ARHGAP24: variants seen among roughly 807,000 people sequenced by gnomAD.
ARHGAP24 encodes Rho GTPase activating protein 24, also known as rho GTPase-activating protein 24.
Under a neutral mutation model 76.4 loss-of-function variants are expected in ARHGAP24, and 50 were observed. The observed-to-expected ratio is 0.65, with a 90% CI of 0.52 to 0.83. The LOEUF (loss-of-function observed/expected upper bound fraction) is 0.83. Ranked by LOEUF, ARHGAP24 falls within the 40% of genes least tolerant of loss-of-function variation. The pLI is 0.00. For missense variants in ARHGAP24, 930 were observed against 914.2 expected, an observed-to-expected ratio of 1.02 and a Z score of -0.22; for synonymous variants, 345 against 323.3, an observed-to-expected ratio of 1.07 and a Z score of -0.72.
chr4:85,574,584 G>C (rs1256556539), intron 2 of ARHGAP24, among the ~76,000 whole-genome samples: 1 of 152,302 alleles, frequency 6.6e-6, no homozygotes, highest in African/African-American at 2.4e-5. Flanking sequence ...GAAACGGGGG[G>C]CCCCAATGGA....
chr4:85,626,677 A>G (rs1720965806), intron 2 of ARHGAP24, among the ~76,000 whole-genome samples: 1 of 152,310 alleles, frequency 6.6e-6, no homozygotes, highest in South Asian at 2.1e-4. Context: ...GTGTTTTCCA[A>G]CTTGGTTCCA....
chr4:85,660,731 G>A (rs1722345099), intron 2 of ARHGAP24, among the ~76,000 whole-genome samples: 1 of 139,488 alleles, frequency 7.2e-6, no homozygotes, highest in Non-Finnish European at 1.5e-5. Flanking sequence ...GGGAGTAGGA[G>A]GTTGCAGTGA....
intron 1 of ARHGAP24, among the ~76,000 whole-genome samples, chr4:85,520,382 A>G (rs1365748459): frequency 6.6e-6 from 1 of 152,104 alleles, no homozygotes; most frequent in Non-Finnish European, 1.5e-5. Flanking sequence ...TATATTGTCT[A>G]ACTCTTCCGA....
At chr4:85,603,678 G>A (rs1256202325) in intron 2 of ARHGAP24, among the ~76,000 whole-genome samples, 1 of 152,072 alleles carries the variant, frequency 6.6e-6, no homozygotes, top group Non-Finnish European at 1.5e-5. Flanking sequence ...TATAGCAGAA[G>A]ATTTATTCAT....
intron 5 of ARHGAP24, among the ~76,000 whole-genome samples, chr4:85,945,189 C>G (rs1213258374): frequency 6.6e-6 from 1 of 152,108 alleles, no homozygotes; most frequent in Non-Finnish European, 1.5e-5. Context: ...TTGCCACACA[C>G]TGGAGTGCAG....
intron 2 of ARHGAP24, among the ~76,000 whole-genome samples, chr4:85,683,117 T>TGGGGGGGGGGGGGGGGGGGGGGGGG (rs201448168): frequency 1.8e-5 from 1 of 56,938 alleles, no homozygotes; most frequent in Non-Finnish European, 3.5e-5. Context: ...TGTGGGGGGG[T>TGGGGGGGGGGGGGGGGGGGGGGGGG]GGGGGGGGGG....
At chr4:85,849,175 T>C (rs146533122) in intron 3 of ARHGAP24, among the ~76,000 whole-genome samples, 12,581 of 146,398 alleles carry the variant, frequency 0.086, 662 homozygotes, top group Middle Eastern at 0.13. Context: ...CCCTTGTAAG[T>C]TGGATTCCTA....
intron 3 of ARHGAP24, among the ~76,000 whole-genome samples, chr4:85,724,355 C>A (rs1725075625): frequency 6.6e-6 from 1 of 152,034 alleles, no homozygotes; most frequent in Non-Finnish European, 1.5e-5. Context: ...TGATTTCCAA[C>A]AAAACTAACA....
chr4:85,528,954 C>G (rs969649921), intron 1 of ARHGAP24, among the ~76,000 whole-genome samples: 1 of 151,990 alleles, frequency 6.6e-6, no homozygotes, highest in African/African-American at 2.4e-5. Context: ...TTCATTGATG[C>G]TTGTCTATTC....
intron 3 of ARHGAP24, among the ~76,000 whole-genome samples, chr4:85,891,249 G>A (rs532274375): frequency 1.7e-4 from 26 of 152,064 alleles, no homozygotes; most frequent in African/African-American, 5.5e-4. Context: ...TCAGCTTAAG[G>A]AGATTTTGGG....
chr4:85,850,494 T>C (rs1339511416), intron 3 of ARHGAP24, among the ~76,000 whole-genome samples: 1 of 152,196 alleles, frequency 6.6e-6, no homozygotes, highest in Non-Finnish European at 1.5e-5. Flanking sequence ...TCTGCTAGCT[T>C]TTGAATGTGT....
intron 2 of ARHGAP24, among the ~76,000 whole-genome samples, chr4:85,704,851 G>C (rs1724248218): frequency 6.6e-6 from 1 of 152,060 alleles, no homozygotes; most frequent in African/African-American, 2.4e-5. Context: ...TAAGCAACCA[G>C]ATAGAATTTT....
At chr4:85,623,700 A>G (rs1389414010) in intron 2 of ARHGAP24, among the ~76,000 whole-genome samples, 1 of 151,458 alleles carries the variant, frequency 6.6e-6, no homozygotes, top group African/African-American at 2.4e-5. Flanking sequence ...CATTTTCACG[A>G]TATTGATTCT....
At chr4:85,724,927 A>C in intron 3 of ARHGAP24, among the ~76,000 whole-genome samples, 1 of 152,198 alleles carries the variant, frequency 6.6e-6, no homozygotes, top group Non-Finnish European at 1.5e-5. Flanking sequence ...GACTGAAGTG[A>C]ACTATTATGG....
chr4:85,789,699 G>T (rs1728029700), intron 3 of ARHGAP24, among the ~76,000 whole-genome samples: 1 of 152,172 alleles, frequency 6.6e-6, no homozygotes. Context: ...CTGCCAGAAG[G>T]TCTTAGGGGA....
chr4:85,760,975 A>C (rs1726711384), intron 3 of ARHGAP24, among the ~76,000 whole-genome samples: 1 of 152,192 alleles, frequency 6.6e-6, no homozygotes, highest in Admixed American at 6.5e-5. Context: ...TATCAGCCCT[A>C]CTACAGCCTA....
At chr4:85,784,261 A>G (rs1007216696) in intron 3 of ARHGAP24, among the ~76,000 whole-genome samples, 1 of 151,148 alleles carries the variant, frequency 6.6e-6, no homozygotes, top group African/African-American at 2.4e-5. Context: ...GATCTTGTAG[A>G]GATCTAGTGC....
chr4:85,917,365 A>G (rs547876049), intron 3 of ARHGAP24, among the ~76,000 whole-genome samples: 3 of 152,132 alleles, frequency 2.0e-5, no homozygotes, highest in East Asian at 3.9e-4. Flanking sequence ...TAGTGCCGCA[A>G]TAAACATACG....
intron 3 of ARHGAP24, among the ~76,000 whole-genome samples, chr4:85,869,647 A>G (rs1414037017): frequency 1.3e-5 from 2 of 152,150 alleles, no homozygotes; most frequent in African/African-American, 2.4e-5. Context: ...AATTGGAGCA[A>G]AGGAATAGCT....
Sources: allele counts gnomAD v4.1 joint callset (sites outside exome capture counted in the v4.1 genomes callset), GRCh38; gene constraint gnomAD v4.1.1; transcripts MANE v1.5; gene names NCBI Gene and HGNC (gene_info 2026-07-23, HGNC 2026-07-21).